POGLUT1: variants seen among roughly 807,000 people sequenced by gnomAD.
POGLUT1 encodes 9630046K23Rik.
POGLUT1 carries 32 observed loss-of-function variants against 61.3 expected under a neutral mutation model. The observed-to-expected ratio is 0.52, with a 90% CI of 0.39 to 0.70. The LOEUF is 0.70. POGLUT1 is among the 30% of genes least tolerant of loss of function. POGLUT1 has a pLI of 0.00. For missense variants in POGLUT1, 411 were observed against 469.8 expected, an observed-to-expected ratio of 0.87 and a Z score of 1.16; for synonymous variants, 158 against 158.2, an observed-to-expected ratio of 1.00 and a Z score of 0.01.
At chr3:119,492,192 ATG>A in intron 10 of POGLUT1, 88 bp from the exon 11 acceptor site, 2 of 912,992 alleles carry the variant, frequency 2.2e-6, no homozygotes, top group South Asian at 3.9e-5. Context: ...ATGCTGAATA[ATG>A]CTTGGCACAA....
rs1447670807 is a variant in POGLUT1, at chr3:119,477,443, A to G, written c.451A>G (p.Ser151Gly). ...MEPAIPVFSF[S>G]KTSEYHDIMY... ...GCCTGCCATCCCAGTCTTCTCCTTC[A>G]GTAAGGTAAGTACAGGGAGAGCCAC... Residue 151 changes from serine (S) to glycine (G), a missense_variant, in exon 4 of 11, where the codon AGT becomes GGT. Coordinates refer to ENST00000295588, the MANE Select transcript of POGLUT1 (RefSeq NM_152305.3). The G allele has an allele frequency of 4.3e-6, 7 of 1,613,934 alleles. No homozygotes were observed. The highest frequency in any genetic ancestry group is 1.3e-5 in the African/African-American group (1 of 74,924).
intron 10 of POGLUT1, 88 bp downstream of exon 10, chr3:119,491,662 G>T: frequency 1.6e-6 from 1 of 642,756 alleles, no homozygotes; most frequent in South Asian, 2.0e-5. Context: ...TTGTTATCAT[G>T]GTGACATCTG....
chr3:119,476,019 G>T (rs904078355), intron 3 of POGLUT1, among the ~76,000 whole-genome samples: 1 of 149,882 alleles, frequency 6.7e-6, no homozygotes, highest in Admixed American at 6.6e-5. Flanking sequence ...TGCCAGGTGT[G>T]TTGGCACACA....
In POGLUT1 at chr3:119,477,384, T is replaced by C. The variant is rs200892608; in HGVS notation, c.392T>C (p.Val131Ala). 3.4e-5 allele frequency: 55 copies of C among 1,614,016 alleles called. No homozygotes were observed. The highest frequency in any genetic ancestry group is 4.3e-5 in the Non-Finnish European group (51 of 1,179,956). ...CCTGACATGGAGATGGTGATCAATG[T>C]ACGAGATTATCCTCAGGTTCCTAAA... Reference protein sequence around the residue: ...RLPDMEMVINVRDYPQVPKWM... With the variant: ...RLPDMEMVINARDYPQVPKWM... Residue 131 changes from valine (V) to alanine (A), a missense_variant, in exon 4 of 11, where the codon GTA (valine) becomes GCA (alanine). Coordinates refer to ENST00000295588, the MANE Select transcript of POGLUT1 (RefSeq NM_152305.3).
Position 119,469,126 on chromosome 3 carries a change from G to C in POGLUT1, c.85+20G>C. The C allele has an allele frequency of 6.4e-7, 1 of 1,572,808 alleles. No individual in the cohort carries two copies. The highest frequency in any genetic ancestry group is 8.6e-7 in the Non-Finnish European group (1 of 1,157,182). ...AGTCAGGTGGGCTCCGGGCAGTGCCGAGCCTGCCCCTTGGGCTCGGGGTCT... is the reference window on the plus strand; with the variant it reads ...AGTCAGGTGGGCTCCGGGCAGTGCCCAGCCTGCCCCTTGGGCTCGGGGTCT... On this transcript the variant is annotated intron_variant, in intron 1 of 10. Transcript: ENST00000295588.
intron 5 of POGLUT1, among the ~76,000 whole-genome samples, chr3:119,481,410 C>T (rs900394152): frequency 8.5e-5 from 13 of 152,120 alleles, no homozygotes; most frequent in Admixed American, 6.5e-4. Flanking sequence ...AGAGAACTTC[C>T]GGAAACACAG....
At chr3:119,469,990 G>C (rs1459685340) in intron 2 of POGLUT1, 80 bp downstream of exon 2, 2 of 859,916 alleles carry the variant, frequency 2.3e-6, no homozygotes, top group African/African-American at 3.4e-5. Flanking sequence ...AGAGATTTTG[G>C]TTGCAGTGGT....
At position 119,469,886 on chromosome 3, in the gene POGLUT1, G is replaced by A; in HGVS notation, c.152G>A (p.Ser51Asn). 2 of 1,604,252 alleles carry A rather than the reference G, an allele frequency of 1.2e-6. No individual in the cohort carries two copies. The highest frequency in any genetic ancestry group is 1.7e-6 in the Non-Finnish European group (2 of 1,170,976). ...RSLENYEPCS[S>N]QNCSCYHGVI... ...TTGGAGAATTACGAACCATGTTCAA[G>A]TCAAAACTGCAGCTGCTACCATGGG... The change falls in exon 2 of 11, where the codon AGT becomes AAT. Residue 51 changes from serine (S) to asparagine (N), a missense_variant. Physicochemically the swap from Ser to Asn is conservative, Grantham distance 46. Coordinates refer to ENST00000295588, the MANE Select transcript of POGLUT1 (RefSeq NM_152305.3).
At chr3:119,469,132 G>T (rs887063363) in intron 1 of POGLUT1, 26 bp downstream of exon 1, 1 of 1,546,052 alleles carries the variant, frequency 6.5e-7, no homozygotes, top group Admixed American at 1.8e-5. Context: ...TGCCGAGCCT[G>T]CCCCTTGGGC....
chr3:119,469,630 T>A (rs919675259), intron 1 of POGLUT1, among the ~76,000 whole-genome samples, 190 bp from the exon 2 acceptor site: 2 of 152,214 alleles, frequency 1.3e-5, no homozygotes, highest in Non-Finnish European at 2.9e-5. Flanking sequence ...GACAGCCGGA[T>A]AGAGGAACAG....
chr3:119,487,177 T>C (rs1187675672), intron 7 of POGLUT1: 1 of 499,226 alleles, frequency 2.0e-6, no homozygotes, highest in Non-Finnish European at 3.6e-6. Flanking sequence ...CACAAACTTT[T>C]TCCAGGAAGG....
chr3:119,487,173 C>G (rs1448141250), intron 7 of POGLUT1: 1 of 499,992 alleles, frequency 2.0e-6, no homozygotes, highest in Non-Finnish European at 3.6e-6. Flanking sequence ...GGGTCACAAA[C>G]TTTTTCCAGG....
rs531313859 is a variant in POGLUT1 at position 119,489,092 on chromosome 3, A to C, written c.797+105A>C. 32 of 594,384 alleles carry C rather than the reference A, an allele frequency of 5.4e-5. 1 individual carries two copies. In the South Asian group the frequency reaches 7.6e-4, roughly 14 times the overall value. The allele number at this position is 594,384 out of a possible 1,614,324, so 36.8% of individuals were successfully genotyped here. On this transcript the variant is annotated intron_variant, in intron 8 of 10. Coordinates refer to ENST00000295588, the MANE Select transcript of POGLUT1 (RefSeq NM_152305.3). ...ATAAAGGCCCAGCTGGAGTAAATGA[A>C]AGTTGCATTAATTCATTTCACTGGC... is the stretch of plus-strand genomic sequence containing the variant.
chr3:119,482,887 G>C (rs1477814313), intron 5 of POGLUT1, among the ~76,000 whole-genome samples: 1 of 152,140 alleles, frequency 6.6e-6, no homozygotes, highest in Non-Finnish European at 1.5e-5. Context: ...AGAGGGCTGG[G>C]GTAGCACCAG....
intron 4 of POGLUT1, chr3:119,478,058 G>T (rs895644025): frequency 3.1e-6 from 1 of 318,966 alleles, no homozygotes; most frequent in Admixed American, 4.4e-5. Context: ...GTGGGCTTGG[G>T]GAATTGGGGG....
At chr3:119,483,082 T>C (rs984861150) in intron 5 of POGLUT1, among the ~76,000 whole-genome samples, 1 of 152,240 alleles carries the variant, frequency 6.6e-6, no homozygotes, top group East Asian at 1.9e-4. Context: ...TGAGTATAAA[T>C]TGATACATGT....
intron 4 of POGLUT1, among the ~76,000 whole-genome samples, chr3:119,479,332 A>G (rs1002585181): frequency 1.3e-5 from 2 of 152,228 alleles, no homozygotes; most frequent in Admixed American, 1.3e-4. Context: ...TGACCAATCA[A>G]TGTGAGCCCA....
At chr3:119,486,724 A>G in intron 6 of POGLUT1, 109 bp from the exon 7 acceptor site, 1 of 773,796 alleles carries the variant, frequency 1.3e-6, no homozygotes, top group South Asian at 1.5e-5. Flanking sequence ...TGAATTGTCC[A>G]CTTGTGCAGA....
In POGLUT1 at chr3:119,492,895, T is replaced by C. The variant is rs2081768998; in HGVS notation, c.*457T>C. ...TCAAGGCGTGATCTCTGTCACTTTA[T>C]TTTAATGTAGGAAACCCTATGGGGT... is the stretch of plus-strand genomic sequence containing the variant. On this transcript the variant is annotated 3_prime_UTR_variant, in exon 11 of 11. Coordinates refer to ENST00000295588, the MANE Select transcript of POGLUT1 (RefSeq NM_152305.3). The C allele has an allele frequency of 6.5e-6, 1 of 152,890 alleles. No individual in the cohort carries two copies. Among genetic ancestry groups the C allele is most frequent in the South Asian group, 2.1e-4 (1 of 4,840 alleles). 9.5% of individuals were successfully genotyped at this position (152,890 alleles called of 1,614,324 possible). A position where few individuals can be genotyped will look rare whatever the true frequency, so the allele number is the denominator to read the frequency against.
Sources: allele counts gnomAD v4.1 joint callset (sites outside exome capture counted in the v4.1 genomes callset), GRCh38; gene constraint gnomAD v4.1.1; transcripts MANE v1.5; gene names NCBI Gene and HGNC (gene_info 2026-07-23, HGNC 2026-07-21).